Variants in SESN2 observed in about 807,000 individuals in gnomAD.
SESN2 encodes the protein sestrin 2, also known as sestrin-2.
A neutral mutation model predicts 56.0 loss-of-function variants in SESN2; 42 were observed. The observed-to-expected ratio is 0.75, with a 90% CI of 0.59 to 0.97. SESN2 has a LOEUF of 0.97. SESN2 is among the 50% of genes least tolerant of loss of function. The probability of loss-of-function intolerance (pLI) is 0.00; values close to 1 mark genes in which losing one functional copy is unlikely to be tolerated. For synonymous variants in SESN2, 264 were observed against 267.1 expected (o/e 0.99, Z 0.11); for missense variants, 507 against 649.4 (o/e 0.78, Z 2.38).
Position 28,259,746 on chromosome 1 carries a change from C to A in SESN2, c.-102C>A. 1 of 868,222 alleles carries A rather than the reference C, an allele frequency of 1.2e-6. No individual in the cohort carries two copies. The highest frequency in any genetic ancestry group is 1.6e-6 in the Non-Finnish European group (1 of 617,102). The allele number at this position is 868,222 out of a possible 1,614,324, so 53.8% of individuals were successfully genotyped here. On this transcript the variant is annotated 5_prime_UTR_variant, in exon 1 of 10. Transcript: ENST00000253063. ...GAGAGACGCCCCGGGGTTCTAGAAG[C>A]TCCCCGGCGGCGCCCAGTCCCGGCT...
chr1:28,277,121 A>T (rs1257407829), intron 8 of SESN2, among the ~76,000 whole-genome samples: 2 of 148,122 alleles, frequency 1.4e-5, no homozygotes, highest in Non-Finnish European at 3.0e-5. Flanking sequence ...GGTAGCCAGG[A>T]TGGTCTTGAT....
chr1:28,269,791 T>C lies in SESN2; in HGVS notation c.156+543T>C, dbSNP rs146046001. Among the ~76,000 whole-genome samples, 372 of 152,338 alleles carry C rather than the reference T, an allele frequency of 2.4e-3. 1 individual carries two copies. The highest frequency in any genetic ancestry group is 8.5e-3 in the African/African-American group (352 of 41,580). On this transcript the variant is annotated intron_variant, in intron 2 of 9. Transcript: ENST00000253063. ...ATAGTTTACAACGTGTTTTTTTGTT[T>C]TGTTTTTCACTTAATACAAGAAAGA...
At chr1:28,278,907 C>A (rs1335387527) in intron 8 of SESN2, among the ~76,000 whole-genome samples, 190 bp from the exon 9 acceptor site, 2 of 152,202 alleles carry the variant, frequency 1.3e-5, no homozygotes, top group African/African-American at 4.8e-5. Context: ...TTGACGTGGT[C>A]CCCTGCCAAT....
chr1:28,266,597 T>C (rs1478074148), intron 1 of SESN2, among the ~76,000 whole-genome samples: 1 of 149,300 alleles, frequency 6.7e-6, no homozygotes. Flanking sequence ...TCTTGCCCTG[T>C]TGCTCAGGCT....
Position 28,259,745 on chromosome 1 carries a change from G to A in SESN2, c.-103G>A. On this transcript the variant is annotated 5_prime_UTR_variant, in exon 1 of 10. Transcript: ENST00000253063. The stretch of plus-strand genomic sequence containing the variant: ...CGAGAGACGCCCCGGGGTTCTAGAA[G>A]CTCCCCGGCGGCGCCCAGTCCCGGC... 1.2e-6 allele frequency: 1 copy of A among 860,698 alleles called. No homozygotes were observed. Among genetic ancestry groups the A allele is most frequent in the Non-Finnish European group, 1.6e-6 (1 of 610,372 alleles). 53.3% of individuals were successfully genotyped at this position (860,698 alleles called of 1,614,324 possible).
chr1:28,259,732 C>T lies in SESN2; in HGVS notation c.-116C>T. ...CGTTCTGGAGCCCCGAGAGACGCCC[C>T]GGGGTTCTAGAAGCTCCCCGGCGGC... On this transcript the variant is annotated 5_prime_UTR_variant, in exon 1 of 10. Coordinates refer to ENST00000253063, the MANE Select transcript of SESN2 (RefSeq NM_031459.5). The T allele has an allele frequency of 4.2e-6, 3 of 710,298 alleles. No individual in the cohort carries two copies. The highest frequency in any genetic ancestry group is 2.5e-5 in the South Asian group (1 of 40,782). 44.0% of individuals were successfully genotyped at this position (710,298 alleles called of 1,614,324 possible).
At chr1:28,279,319 G>A in intron 9 of SESN2, 78 bp downstream of exon 9, 1 of 1,490,050 alleles carries the variant, frequency 6.7e-7, no homozygotes. Flanking sequence ...AGGACCCAGT[G>A]AGAGTCCCCA....
At chr1:28,273,854 C>G (rs1647909812) in intron 6 of SESN2, among the ~76,000 whole-genome samples, 186 bp from the exon 7 acceptor site, 1 of 152,160 alleles carries the variant, frequency 6.6e-6, no homozygotes, top group African/African-American at 2.4e-5. Flanking sequence ...CTTCATGGGT[C>G]CATGGGCCTG....
chr1:28,269,694 C>T (rs1378672537), intron 2 of SESN2, among the ~76,000 whole-genome samples: 1 of 152,156 alleles, frequency 6.6e-6, no homozygotes, highest in Non-Finnish European at 1.5e-5. Flanking sequence ...GAGATCATCA[C>T]TGTTAACCAT....
chr1:28,259,766 C>A lies in SESN2; in HGVS notation c.-82C>A. ...AGAAGCTCCCCGGCGGCGCCCAGTCCCGGCTTCATTCGGGCGTCCCTCCGA... is the reference window on the plus strand; with the variant it reads ...AGAAGCTCCCCGGCGGCGCCCAGTCACGGCTTCATTCGGGCGTCCCTCCGA... On this transcript the variant is annotated 5_prime_UTR_variant, in exon 1 of 10. Transcript: ENST00000253063. The A allele has an allele frequency of 8.8e-7, 1 of 1,131,930 alleles. No homozygotes were observed. The highest frequency in any genetic ancestry group is 1.2e-6 in the Non-Finnish European group (1 of 854,482). 70.1% of individuals were successfully genotyped at this position (1,131,930 alleles called of 1,614,324 possible).
In SESN2 at chr1:28,272,835, A is replaced by G. The variant is rs371861681; in HGVS notation, c.750+42A>G. ...GGTCTTGATCGGGGAGGAAGCGGGC[A>G]TGACCTCTGGTCCTTAGGTAGAAGC... On this transcript the variant is annotated intron_variant, in intron 5 of 9. Coordinates refer to ENST00000253063, the MANE Select transcript of SESN2 (RefSeq NM_031459.5). 35 of 1,188,662 alleles carry G rather than the reference A, an allele frequency of 2.9e-5. No homozygotes were observed. In the African/African-American group the frequency reaches 4.2e-4, roughly 14 times the overall value. 73.6% of individuals were successfully genotyped at this position (1,188,662 alleles called of 1,614,324 possible).
At chr1:28,260,537 C>T (rs1012081909) in intron 1 of SESN2, among the ~76,000 whole-genome samples, 1 of 151,512 alleles carries the variant, frequency 6.6e-6, no homozygotes, top group Admixed American at 6.5e-5. Context: ...GCGGGCCGCC[C>T]GGTACGCGGC....
chr1:28,275,165 CAG>C, intron 8 of SESN2, 150 bp downstream of exon 8: 1 of 591,854 alleles, frequency 1.7e-6, no homozygotes, highest in Non-Finnish European at 2.9e-6. Flanking sequence ...TAAAAGATGA[CAG>C]TACTCATTGT....
At chr1:28,278,989 C>T (rs773866533) in intron 8 of SESN2, 108 bp from the exon 9 acceptor site, 13 of 1,093,490 alleles carry the variant, frequency 1.2e-5, no homozygotes, top group Non-Finnish European at 1.8e-5. Context: ...CTTCTACCTT[C>T]TGATTTTTCT....
At chr1:28,267,566 G>A (rs1048015202) in intron 1 of SESN2, among the ~76,000 whole-genome samples, 1 of 152,108 alleles carries the variant, frequency 6.6e-6, no homozygotes, top group African/African-American at 2.4e-5. Context: ...AGAACTGGGC[G>A]CCTCCTATCC....
At position 28,273,534 on chromosome 1, in the gene SESN2, C is replaced by T. The variant is rs1010310764; in HGVS notation, c.901+26C>T. The T allele has an allele frequency of 3.9e-6, 6 of 1,538,530 alleles. No homozygotes were observed. The African/African-American group carries it at 6.9e-5, about 18-fold the overall frequency. On this transcript the variant is annotated intron_variant, in intron 6 of 9. Transcript: ENST00000253063. ...GTACAGGGTCACAGGCATCCAGGCT[C>T]CCGTGGCTGCTCCTTCTTAGGCTAT...
In SESN2 at chr1:28,259,897, G is replaced by A; in HGVS notation, c.50G>A (p.Arg17Gln). 6.9e-7 allele frequency: 1 copy of A among 1,455,672 alleles called. No homozygotes were observed. The highest frequency in any genetic ancestry group is 1.5e-5 in the African/African-American group (1 of 67,346). 90.2% of individuals were successfully genotyped at this position (1,455,672 alleles called of 1,614,324 possible). Residue 17 changes from arginine to glutamine, a missense_variant, in exon 1 of 10, where the codon CGG becomes CAG. By Grantham distance (43) the Arg-to-Gln change is conservative. Transcript: ENST00000253063. ...ECRAELKDYL[R>Q]FAPGGVGDSG... ...CGCGCAGAGCTCAAGGACTACCTGC[G>A]GTTCGCCCCGGGCGGCGTCGGCGAC...
chr1:28,276,992 C>T (rs1350581754), intron 8 of SESN2, among the ~76,000 whole-genome samples: 1 of 151,734 alleles, frequency 6.6e-6, no homozygotes, highest in Admixed American at 6.6e-5. Context: ...CTGCAACCTC[C>T]GCCTCCCAGG....
rs763130497 is a variant in SESN2 at position 28,274,853 on chromosome 1, C to T, written c.1049C>T (p.Ser350Leu). The change falls in exon 8 of 10, where the codon TCG becomes TTG. Residue 350 changes from serine (S) to leucine (L), a missense_variant. Ser to Leu is a moderately radical substitution (Grantham distance 145, BLOSUM62 -2). Transcript: ENST00000253063. ...QDYTWEDHGYSLIQRLYPEGG... is the reference protein window; with the variant it reads ...QDYTWEDHGYLLIQRLYPEGG... The stretch of plus-strand genomic sequence containing the variant: ...TATACCTGGGAAGACCATGGCTACT[C>T]GCTGATCCAGCGGCTTTACCCTGAG... 3.1e-6 allele frequency: 5 copies of T among 1,613,944 alleles called. No homozygotes were observed. The highest frequency in any genetic ancestry group is 4.2e-6 in the Non-Finnish European group (5 of 1,179,864).
Sources: allele counts gnomAD v4.1 joint callset (sites outside exome capture counted in the v4.1 genomes callset), GRCh38; gene constraint gnomAD v4.1.1; transcripts MANE v1.5; gene names NCBI Gene and HGNC (gene_info 2026-07-23, HGNC 2026-07-21).